NPTN: variants seen among roughly 807,000 people sequenced by gnomAD.
NPTN encodes neuroplastin.
In NPTN, 5 loss-of-function variants were observed where a neutral mutation model predicts 42.7. The observed-to-expected ratio is 0.12, with a 90% CI of 0.06 to 0.25. The LOEUF is 0.25. Ranked by LOEUF, NPTN falls within the 10% of genes least tolerant of loss-of-function variation. The pLI is 1.00. For synonymous variants in NPTN, 180 were observed against 201.9 expected (o/e 0.89, Z 0.92); for missense variants, 307 against 525.4 (o/e 0.58, Z 4.06).
chr15:73,630,746 A>T (rs1008262967), intron 1 of NPTN, among the ~76,000 whole-genome samples: 1 of 152,266 alleles, frequency 6.6e-6, no homozygotes, highest in Non-Finnish European at 1.5e-5. Context: ...AACATCATGC[A>T]CAAGCAAGGT....
chr15:73,574,263 A>C (rs1895563572), intron 4 of NPTN, among the ~76,000 whole-genome samples: 2 of 152,258 alleles, frequency 1.3e-5, no homozygotes, highest in Admixed American at 1.3e-4. Context: ...AAGTCCTATT[A>C]CAAGGTATGT....
intron 5 of NPTN, 62 bp downstream of exon 5, chr15:73,573,600 G>A (rs1316943383): frequency 1.7e-5 from 26 of 1,485,906 alleles, no homozygotes; most frequent in Middle Eastern, 2.5e-4. Context: ...ACTGACCCAC[G>A]TGTCTGGACC....
At chr15:73,563,114 C>A in intron 7 of NPTN, 122 bp downstream of exon 7, 1 of 732,298 alleles carries the variant, frequency 1.4e-6, no homozygotes, top group Non-Finnish European at 2.4e-6. Context: ...GAAATCTACA[C>A]TGCAACCTTC....
chr15:73,570,129 A>G lies in NPTN; in HGVS notation c.1114+21T>C. On this transcript the variant is annotated intron_variant, in intron 6 of 8. Transcript: ENST00000345330. The surrounding 1 kb of genome is among the most constrained non-coding windows in gnomAD (Gnocchi z 4.0). ...AGGAACCAACCCCAGCAGTACAGCT[A>G]TTTTGTAGGGATGCTCTTACCGTCA... is the stretch of plus-strand genomic sequence containing the variant. 6.3e-7 allele frequency: 1 copy of G among 1,584,464 alleles called. No homozygotes were observed. The highest frequency in any genetic ancestry group is 8.6e-7 in the Non-Finnish European group (1 of 1,162,562).
At chr15:73,603,963 G>A (rs1053176599) in intron 1 of NPTN, among the ~76,000 whole-genome samples, 2 of 152,160 alleles carry the variant, frequency 1.3e-5, no homozygotes, top group African/African-American at 4.8e-5. Flanking sequence ...GTTACATTAT[G>A]TGTAAGAGTT....
intron 6 of NPTN, chr15:73,567,607 C>A: frequency 6.1e-6 from 6 of 985,284 alleles, no homozygotes; most frequent in Non-Finnish European, 7.2e-6. Context: ...AGGAAACTCA[C>A]CAAAGAACAT....
intron 3 of NPTN, chr15:73,591,735 T>A: frequency 2.8e-6 from 1 of 362,150 alleles, no homozygotes; most frequent in East Asian, 4.6e-5. Flanking sequence ...AGTTTCTCTA[T>A]GATTATAGTG....
chr15:73,566,693 T>C (rs1009961769), intron 6 of NPTN, among the ~76,000 whole-genome samples: 5 of 152,170 alleles, frequency 3.3e-5, no homozygotes, highest in Non-Finnish European at 5.9e-5. Flanking sequence ...AGCTGTGACA[T>C]GGATGGAAGC....
chr15:73,633,157 G>A lies in NPTN; in HGVS notation c.59C>T (p.Ser20Phe), dbSNP rs1173705327. ...AGCGGCGCCTGGCCCTGGGAGGAGG[G>A]AGCCAGAGACCAGCAACAGCGAGAG... ...LALSLLLVSGSLLPGPGAAQN... is the reference protein window; with the variant it reads ...LALSLLLVSGFLLPGPGAAQN... Residue 20 changes from serine (S) to phenylalanine (F), a missense_variant, in exon 1 of 9, where the codon TCC becomes TTC. By Grantham distance (155) the Ser-to-Phe change is radical (BLOSUM62 -2). Transcript: ENST00000345330. 11 of 1,511,394 alleles carry A rather than the reference G, an allele frequency of 7.3e-6. No homozygotes were observed. Among genetic ancestry groups the A allele is most frequent in the South Asian group, 1.3e-5 (1 of 78,758 alleles). 93.6% of individuals were successfully genotyped at this position (1,511,394 alleles called of 1,614,324 possible). A position where few individuals can be genotyped will look rare whatever the true frequency, so the allele number is the denominator to read the frequency against.
At position 73,570,982 on chromosome 15, in the gene NPTN, A is replaced by G. The variant is rs1478286689; in HGVS notation, c.841-559T>C. Among the ~76,000 whole-genome samples the G allele has an allele frequency of 6.6e-6, 1 of 152,222 alleles. No homozygotes were observed. The highest frequency in any genetic ancestry group is 1.5e-5 in the Non-Finnish European group (1 of 68,040). ...AGGTTAGAGGAAAGGTTATTCAATC[A>G]ATCAACAAATATTTGTGGCTGGGCA... On this transcript the variant is annotated intron_variant, in intron 5 of 8. Coordinates refer to ENST00000345330, the MANE Select transcript of NPTN (RefSeq NM_012428.4). This position sits in a 1 kb window ranked among gnomAD's most constrained non-coding sequence, Gnocchi z 4.0.
rs914003750 is a variant in NPTN at position 73,560,836 on chromosome 15, C to T, written c.*227G>A. The T allele has an allele frequency of 6.6e-6, 1 of 151,950 alleles. No individual in the cohort carries two copies. The highest frequency in any genetic ancestry group is 2.4e-5 in the African/African-American group (1 of 41,332). 9.4% of individuals were successfully genotyped at this position (151,950 alleles called of 1,614,324 possible). On this transcript the variant is annotated 3_prime_UTR_variant, in exon 9 of 9. Coordinates refer to ENST00000345330, the MANE Select transcript of NPTN (RefSeq NM_012428.4). ...ACAAAGGAAAAAAAAAAGCAACATT[C>T]ACAGCACATCAAGCCCAAAATAGTT...
Position 73,569,866 on chromosome 15 carries a change from G to A in NPTN, c.1114+284C>T. 1 of 957,348 alleles carries A rather than the reference G, an allele frequency of 1.0e-6. No homozygotes were observed. The highest frequency in any genetic ancestry group is 1.2e-6 in the Non-Finnish European group (1 of 804,472). 59.3% of individuals were successfully genotyped at this position (957,348 alleles called of 1,614,324 possible). A position where few individuals can be genotyped will look rare whatever the true frequency, so the allele number is the denominator to read the frequency against. ...CTGACAGCTGCCCATTCACCACATG[G>A]GGCCTGAAAGGCAGATGGGACTAGG... On this transcript the variant is annotated intron_variant, in intron 6 of 8. Coordinates refer to ENST00000345330, the MANE Select transcript of NPTN (RefSeq NM_012428.4). The surrounding 1 kb of genome is among the most constrained non-coding windows in gnomAD (Gnocchi z 4.1).
chr15:73,580,638 C>T (rs1247016175), intron 4 of NPTN, among the ~76,000 whole-genome samples: 7 of 144,834 alleles, frequency 4.8e-5, no homozygotes, highest in East Asian at 2.0e-4. Context: ...TATGTATATA[C>T]ATGTTATATA....
At chr15:73,604,108 T>C (rs962571477) in intron 1 of NPTN, among the ~76,000 whole-genome samples, 4 of 152,044 alleles carry the variant, frequency 2.6e-5, no homozygotes, top group African/African-American at 7.3e-5. Flanking sequence ...TAAACAAGCA[T>C]GATCTACCTA....
chr15:73,587,784 T>C (rs1896391390), intron 3 of NPTN, among the ~76,000 whole-genome samples, 166 bp from the exon 4 acceptor site: 1 of 152,122 alleles, frequency 6.6e-6, no homozygotes, highest in South Asian at 2.1e-4. Context: ...TCCTAAAACA[T>C]TAATGTCTTG....
chr15:73,560,137 C>A lies in NPTN; in HGVS notation c.*926G>T. 1 of 382,072 alleles carries A rather than the reference C, an allele frequency of 2.6e-6. No homozygotes were observed. 23.7% of individuals were successfully genotyped at this position (382,072 alleles called of 1,614,324 possible). On this transcript the variant is annotated 3_prime_UTR_variant, in exon 9 of 9. Coordinates refer to ENST00000345330, the MANE Select transcript of NPTN (RefSeq NM_012428.4). The stretch of plus-strand genomic sequence containing the variant: ...CTACAATTACGCACCGCATGAGAAC[C>A]GTTAGGTTATAAAATCTATCATCAA...
chr15:73,621,195 G>A (rs997679210), intron 1 of NPTN, among the ~76,000 whole-genome samples: 2 of 152,118 alleles, frequency 1.3e-5, no homozygotes, highest in African/African-American at 4.8e-5. Flanking sequence ...AACTTGAAGT[G>A]AGAGCAGTGA....
At chr15:73,591,249 GCT>G (rs371260623) in intron 3 of NPTN, among the ~76,000 whole-genome samples, 7 of 152,292 alleles carry the variant, frequency 4.6e-5, no homozygotes, top group African/African-American at 1.7e-4. Flanking sequence ...TCACCTCAGT[GCT>G]CTCTTTCTTT....
chr15:73,579,670 G>A (rs1359665122), intron 4 of NPTN, among the ~76,000 whole-genome samples: 11 of 152,216 alleles, frequency 7.2e-5, no homozygotes, highest in Non-Finnish European at 1.5e-4. Flanking sequence ...GTGGGAGGAG[G>A]AGAACACCAC....
Sources: allele counts gnomAD v4.1 joint callset (sites outside exome capture counted in the v4.1 genomes callset), GRCh38; gene constraint gnomAD v4.1.1; non-coding constraint Gnocchi (gnomAD v3.1); transcripts MANE v1.5; gene names NCBI Gene and HGNC (gene_info 2026-07-23, HGNC 2026-07-21).